The following CACHD1 variants were observed in gnomAD, a reference collection of about 807,000 sequenced individuals.
The protein encoded by CACHD1 is cache domain containing 1, also known as VWFA and cache domain-containing protein 1.
A neutral mutation model predicts 138.7 loss-of-function variants in CACHD1; 71 were observed. The ratio of observed to expected loss-of-function variants is 0.51; its 90% CI spans 0.42 to 0.62. The LOEUF is 0.62. CACHD1 is among the 20% of genes least tolerant of loss of function. CACHD1 has a pLI of 0.00. For synonymous variants in CACHD1, 578 were observed against 591.5 expected (o/e 0.98, Z 0.33); for missense variants, 1,389 against 1,625.3 (o/e 0.85, Z 2.50).
At chr1:64,555,482 C>T (rs564010400) in intron 2 of CACHD1, among the ~76,000 whole-genome samples, 6 of 152,134 alleles carry the variant, frequency 3.9e-5, no homozygotes, top group Non-Finnish European at 5.9e-5. Context: ...TGCAGTGGCA[C>T]GATCTCAGCT....
At chr1:64,620,081 G>T (rs77042443) in intron 4 of CACHD1, among the ~76,000 whole-genome samples, 17 of 152,004 alleles carry the variant, frequency 1.1e-4, no homozygotes, top group African/African-American at 4.1e-4. Flanking sequence ...GGAATTTTTC[G>T]TTGGTAAAGG....
At chr1:64,603,099 CTTTTTT>C (rs34372401) in intron 4 of CACHD1, among the ~76,000 whole-genome samples, 187 bp downstream of exon 4, 1 of 64,896 alleles carries the variant, frequency 1.5e-5, no homozygotes, top group South Asian at 9.4e-4. Flanking sequence ...AAGCTTACAT[CTTTTTT>C]TTTTTTTTTT....
chr1:64,565,870 G>A (rs984331418), intron 2 of CACHD1, among the ~76,000 whole-genome samples: 25 of 152,180 alleles, frequency 1.6e-4, no homozygotes, highest in African/African-American at 6.0e-4. Flanking sequence ...GCAGTGACCA[G>A]ATGTTTAATC....
At position 64,618,264 on chromosome 1, in the gene CACHD1, T is replaced by C. The variant is rs543253214; in HGVS notation, c.518-11091T>C. 2.6e-5 allele frequency among the ~76,000 whole-genome samples: 4 copies of C among 152,326 alleles called. No homozygotes were observed. In the East Asian group the frequency reaches 7.7e-4, roughly 29 times the overall value. On this transcript the variant is annotated intron_variant, in intron 4 of 26. Coordinates refer to ENST00000651257, the MANE Select transcript of CACHD1 (RefSeq NM_020925.4). ...CAGTAATCTTTCCCCTTGTCTCAGC[T>C]ACACAACTAAGAAGAGTGGTCTACA...
chr1:64,610,519 G>A (rs982037850), intron 4 of CACHD1, among the ~76,000 whole-genome samples: 2 of 152,156 alleles, frequency 1.3e-5, no homozygotes, highest in African/African-American at 4.8e-5. Flanking sequence ...CATGCAAGTC[G>A]AAAATCAAAG....
At chr1:64,675,808 A>G in intron 20 of CACHD1, 89 bp from the exon 21 acceptor site, 1 of 848,120 alleles carries the variant, frequency 1.2e-6, no homozygotes. Context: ...AAACTAGCTC[A>G]GAGCTTCATT....
At chr1:64,657,988 C>T (rs1204696077) in intron 12 of CACHD1, among the ~76,000 whole-genome samples, 1 of 152,194 alleles carries the variant, frequency 6.6e-6, no homozygotes, top group Admixed American at 6.5e-5. Flanking sequence ...TTTGTTGAAG[C>T]ATCCATTTCT....
intron 1 of CACHD1, among the ~76,000 whole-genome samples, chr1:64,474,743 C>T (rs1010648399): frequency 6.6e-6 from 1 of 152,250 alleles, no homozygotes; most frequent in Non-Finnish European, 1.5e-5. Flanking sequence ...AGCCATTTCG[C>T]CAGGCACTTA....
intron 3 of CACHD1, 130 bp downstream of exon 3, chr1:64,582,434 A>G: frequency 1.2e-6 from 1 of 812,990 alleles, no homozygotes; most frequent in South Asian, 2.1e-5. Context: ...ATTTAAGATA[A>G]GCCCTTTATC....
At chr1:64,505,273 G>A (rs999541490) in intron 1 of CACHD1, among the ~76,000 whole-genome samples, 1 of 152,090 alleles carries the variant, frequency 6.6e-6, no homozygotes, top group African/African-American at 2.4e-5. Context: ...AGCCTCTGGG[G>A]AGCCCCTGTA....
At position 64,653,738 on chromosome 1, in the gene CACHD1, AT is replaced by A. The variant is rs1649176857; in HGVS notation, c.1541-16del. ...TACAACATGTTTCTTATTAACATGC[AT>A]TTTGTTTTCTTATTGCAGGATATAC... On this transcript the variant is annotated intron_variant, in intron 10 of 26. Coordinates refer to ENST00000651257, the MANE Select transcript of CACHD1 (RefSeq NM_020925.4). 2 of 1,604,870 alleles carry A rather than the reference AT, an allele frequency of 1.2e-6. No homozygotes were observed. Among genetic ancestry groups the A allele is most frequent in the Non-Finnish European group, 8.5e-7 (1 of 1,175,602 alleles).
chr1:64,674,102 G>A (rs1242823358), intron 19 of CACHD1, among the ~76,000 whole-genome samples: 1 of 152,150 alleles, frequency 6.6e-6, no homozygotes, highest in East Asian at 1.9e-4. Flanking sequence ...ATTTAGAATA[G>A]GCATTTATGT....
chr1:64,655,324 A>G (rs1047601480), intron 12 of CACHD1, among the ~76,000 whole-genome samples: 24 of 152,302 alleles, frequency 1.6e-4, no homozygotes, highest in African/African-American at 5.8e-4. Flanking sequence ...GCAGGTATAT[A>G]TATTTGTGTG....
chr1:64,547,646 C>T (rs1023189880), intron 1 of CACHD1, among the ~76,000 whole-genome samples: 2 of 152,160 alleles, frequency 1.3e-5, no homozygotes, highest in African/African-American at 4.8e-5. Flanking sequence ...GGATTACAGG[C>T]ATGAGCCACC....
chr1:64,511,960 C>T (rs1156407278), intron 1 of CACHD1, among the ~76,000 whole-genome samples: 1 of 152,106 alleles, frequency 6.6e-6, no homozygotes. Flanking sequence ...TAGTCACTGG[C>T]ATGTATAGTA....
intron 23 of CACHD1, among the ~76,000 whole-genome samples, chr1:64,678,639 G>A (rs889168154): frequency 4.6e-5 from 7 of 152,194 alleles, no homozygotes; most frequent in East Asian, 3.9e-4. Context: ...GCACAGGGCC[G>A]TGTACGGAGT....
chr1:64,573,270 TATA>T (rs1192904144), intron 2 of CACHD1, among the ~76,000 whole-genome samples: 1 of 152,084 alleles, frequency 6.6e-6, no homozygotes, highest in Non-Finnish European at 1.5e-5. Context: ...GAGTACTCTA[TATA>T]AGACGAGGAA....
chr1:64,490,534 C>T (rs1646269174), intron 1 of CACHD1, among the ~76,000 whole-genome samples: 1 of 152,236 alleles, frequency 6.6e-6, no homozygotes, highest in Non-Finnish European at 1.5e-5. Context: ...TCTCCTCAAG[C>T]TGATGAGTTT....
intron 6 of CACHD1, among the ~76,000 whole-genome samples, chr1:64,633,420 A>G (rs959008678): frequency 2.0e-5 from 3 of 152,108 alleles, no homozygotes; most frequent in Admixed American, 2.0e-4. Context: ...CTAATTAGCC[A>G]TGACTTTCAC....
Sources: allele counts gnomAD v4.1 joint callset (sites outside exome capture counted in the v4.1 genomes callset), GRCh38; gene constraint gnomAD v4.1.1; transcripts MANE v1.5; gene names NCBI Gene and HGNC (gene_info 2026-07-23, HGNC 2026-07-21).